BAG6: variants seen among roughly 807,000 people sequenced by gnomAD.
The protein encoded by BAG6 is BAG cochaperone 6, also known as large proline-rich protein BAG6.
In BAG6, 22 loss-of-function variants were observed where a neutral mutation model predicts 121.0. The ratio of observed to expected loss-of-function variants is 0.18; its 90% confidence interval spans 0.13 to 0.26. The LOEUF (loss-of-function observed/expected upper bound fraction) is 0.26, where lower values mean the gene tolerates loss of function less well. BAG6 is among the 10% of genes least tolerant of loss of function. The pLI, the probability that BAG6 is intolerant of heterozygous loss-of-function variation, is 1.00. For missense variants in BAG6, 1,233 were observed against 1,537.7 expected (o/e 0.80, Z 3.31); for synonymous variants, 583 against 584.6 (o/e 1.00, Z 0.04).
At position 31,648,692 on chromosome 6, in the gene BAG6, T is replaced by C. The variant is rs773363358; in HGVS notation, c.537A>G (p.Leu179=). 1 of 1,613,874 alleles carries C rather than the reference T, an allele frequency of 6.2e-7. No individual in the cohort carries two copies. Among genetic ancestry groups the C allele is most frequent in the South Asian group, 1.1e-5 (1 of 91,042 alleles). ...AQHMIRDIQT[L]LSRMECRGGP... is the part of the protein sequence containing the mutation. ...GCCCACTTACCTCCATCCGGGATAG[T>C]AAGGTCTGTATATCCCTGATCATGT... is the stretch of plus-strand genomic sequence containing the variant. Residue 179 remains leucine, a synonymous_variant, in exon 6 of 26, where the codon TTA becomes TTG. Transcript: ENST00000676615.
Position 31,641,092 on chromosome 6 carries a change from G to A in BAG6, c.2787+12C>T, listed in dbSNP as rs747602100. The A allele has an allele frequency of 6.2e-6, 10 of 1,612,832 alleles. No homozygotes were observed. Among genetic ancestry groups the A allele is most frequent in the Non-Finnish European group, 8.5e-6 (10 of 1,179,914 alleles). On this transcript the variant is annotated intron_variant, in intron 20 of 25. Transcript: ENST00000676615. This position sits in a 1 kb window ranked among gnomAD's most constrained non-coding sequence, Gnocchi z 5.7. ...ACAAAAGGCTAAGGATCTGGGGCTA[G>A]GTGGTGCTTACAATTCGGCCATTGA...
Position 31,644,441 on chromosome 6 carries a change from GAA to G in BAG6, c.1448-29_1448-28del, listed in dbSNP as rs1212419069. Reference sequence around the variant, plus strand: ...TGGGGGGCGGGTCTGATGTAACCTTGAACCTGGACCCCTTCAACCCACCCACT... The same window carrying G: ...TGGGGGGCGGGTCTGATGTAACCTTGCCTGGACCCCTTCAACCCACCCACT... On this transcript the variant is annotated intron_variant, in intron 11 of 25. Transcript: ENST00000676615. The surrounding 1 kb of genome is among the most constrained non-coding windows in gnomAD (Gnocchi z 4.9). 6.4e-7 allele frequency: 1 copy of G among 1,552,434 alleles called. No homozygotes were observed. The highest frequency in any genetic ancestry group is 1.2e-5 in the South Asian group (1 of 83,712).
chr6:31,640,719 A>G lies in BAG6; in HGVS notation c.2935-15T>C. The G allele has an allele frequency of 6.2e-7, 1 of 1,613,000 alleles. No homozygotes were observed. Among genetic ancestry groups the G allele is most frequent in the South Asian group, 1.1e-5 (1 of 91,084 alleles). On this transcript the variant is annotated splice_polypyrimidine_tract_variant and intron_variant, in intron 21 of 25. Coordinates refer to ENST00000676615, the MANE Select transcript of BAG6 (RefSeq NM_001387994.1). The surrounding 1 kb of genome is among the most constrained non-coding windows in gnomAD (Gnocchi z 4.2). ...TCAGGAAGTGGCTGTGAAATTAAAG[A>G]ACACCATACTTCCTCTCAGATCTCT...
At position 31,644,747 on chromosome 6, in the gene BAG6, C is replaced by G; in HGVS notation, c.1370-145G>C. ...CTCCATCTAAACAGGGAGAGGTACT[C>G]CCTTCACCACACAAACACACCTCCA... is the stretch of plus-strand genomic sequence containing the variant. On this transcript the variant is annotated intron_variant, in intron 10 of 25. Transcript: ENST00000676615. The surrounding 1 kb of genome is among the most constrained non-coding windows in gnomAD (Gnocchi z 4.9). The G allele has an allele frequency of 4.1e-6, 5 of 1,227,246 alleles. No homozygotes were observed. In the South Asian group the frequency reaches 6.3e-5, roughly 15 times the overall value. The allele number at this position is 1,227,246 out of a possible 1,614,324, so 76.0% of individuals were successfully genotyped here. A position where few individuals can be genotyped will look rare whatever the true frequency, so the allele number is the denominator to read the frequency against.
rs200547255 is a variant in BAG6, at chr6:31,647,814, G to A, written c.565C>T (p.Pro189Ser). ...LLSRMECRGG[P>S]QPQHSQPPPQ... is the part of the protein sequence containing the mutation. Reference sequence around the variant, plus strand: ...GGCGGCTGACTGTGCTGCGGTTGGGGCCCTCCTCGACACTGAAGGTAGGGG... The same window carrying A: ...GGCGGCTGACTGTGCTGCGGTTGGGACCCTCCTCGACACTGAAGGTAGGGG... The change falls in exon 7 of 26, where the codon CCC becomes TCC. Residue 189 changes from proline (P) to serine (S), a missense_variant. By Grantham distance (74) the Pro-to-Ser change is moderately conservative. This residue lies in a region of BAG6 where 777 missense variants were observed against 861.4 expected (regional missense o/e 0.90). Transcript: ENST00000676615. The A allele has an allele frequency of 3.1e-4, 480 of 1,554,422 alleles. No homozygotes were observed. The highest frequency in any genetic ancestry group is 4.0e-4 in the Non-Finnish European group (465 of 1,155,136).
chr6:31,643,721 C>CAAAAAAAAAAAAAAA lies in BAG6; in HGVS notation c.1756+154_1756+168dup, dbSNP rs9281540. On this transcript the variant is annotated intron_variant, in intron 14 of 25. Coordinates refer to ENST00000676615, the MANE Select transcript of BAG6 (RefSeq NM_001387994.1). Reference sequence around the variant, plus strand: ...CTAGCAACAGAGTGAGACTCCATCTCAAAAAAAAAAAAAAAAAAAAAAAAA... The same window carrying CAAAAAAAAAAAAAAA: ...CTAGCAACAGAGTGAGACTCCATCTCAAAAAAAAAAAAAAAAAAAAAAAAAAAAAAAAAAAAAAAA... 4.5e-4 allele frequency among the ~76,000 whole-genome samples: 30 copies of CAAAAAAAAAAAAAAA among 66,280 alleles called. 1 individual carries two copies. The highest frequency in any genetic ancestry group is 5.2e-4 in the South Asian group (1 of 1,920). 43.5% of individuals were successfully genotyped at this position (66,280 alleles called of 152,430 possible).
rs765807145 is a variant in BAG6, at chr6:31,648,977, T to G, written c.424-13A>C. 6.6e-7 allele frequency: 1 copy of G among 1,524,214 alleles called. No homozygotes were observed. The highest frequency in any genetic ancestry group is 1.4e-5 in the African/African-American group (1 of 71,792). The allele number at this position is 1,524,214 out of a possible 1,614,324, so 94.4% of individuals were successfully genotyped here. The stretch of plus-strand genomic sequence containing the variant: ...CAGAGCCGTCACTCTGGGGAAAGGG[T>G]AAGGGAAGTTGTTCTGGGAGAAGCC... On this transcript the variant is annotated splice_polypyrimidine_tract_variant and intron_variant, in intron 4 of 25. Transcript: ENST00000676615.
chr6:31,643,246 C>A, intron 14 of BAG6, 131 bp from the exon 15 acceptor site: 1 of 858,012 alleles, frequency 1.2e-6, no homozygotes, highest in Non-Finnish European at 1.7e-6. Context: ...AAGACCCCAT[C>A]TCTACCAGAA....
Position 31,642,971 on chromosome 6 carries a change from T to A in BAG6, c.1901A>T (p.Asp634Val), listed in dbSNP as rs1314288718. The A allele has an allele frequency of 6.2e-7, 1 of 1,602,568 alleles. No homozygotes were observed. Among genetic ancestry groups the A allele is most frequent in the South Asian group, 1.1e-5 (1 of 88,986 alleles). The change falls in exon 15 of 26, where the codon GAT (aspartate) becomes GTT (valine). Residue 634 changes from aspartate (D) to valine (V), a missense_variant. Coordinates refer to ENST00000676615, the MANE Select transcript of BAG6 (RefSeq NM_001387994.1). Reference protein sequence around the residue: ...PPPTPQPSMADLQFSQLLGNL... With the variant: ...PPPTPQPSMAVLQFSQLLGNL... ...CCCCAGAAGCTGAGAGAACTGAAGA[T>A]CAGCCATGGAGGGTTGAGGGGTGGG...
rs766542591 is a variant in BAG6 at position 31,640,699 on chromosome 6, A to C, written c.2940T>G (p.Leu980=). 7 of 1,612,992 alleles carry C rather than the reference A, an allele frequency of 4.3e-6. No homozygotes were observed. Among genetic ancestry groups the C allele is most frequent in the Non-Finnish European group, 5.1e-6 (6 of 1,179,990 alleles). The change falls in exon 22 of 26, where the codon CTT becomes CTG. Residue 980 remains leucine (L), a synonymous_variant. Transcript: ENST00000676615. The surrounding 1 kb of genome is among the most constrained non-coding windows in gnomAD (Gnocchi z 4.2). ...CCTGAACTTCCATTGGCTCCTCAGG[A>C]AGTGGCTGTGAAATTAAAGAACACC... The part of the protein sequence containing the change: ...VRRVGDPPQP[L]PEEPMEVQGA...
chr6:31,652,284 G>A (rs1797854161), intron 1 of BAG6, 140 bp downstream of exon 1: 2 of 159,458 alleles, frequency 1.3e-5, no homozygotes, highest in Non-Finnish European at 2.8e-5. Flanking sequence ...CCTTCCCACG[G>A]TGTTCCAGCA....
In BAG6 at chr6:31,645,023, G is replaced by GCTGGCGGGGGAGCTGGAC. The variant is rs757156077; in HGVS notation, c.1274_1291dup (p.Gly425_Pro430dup). The GCTGGCGGGGGAGCTGGAC allele has an allele frequency of 6.2e-6, 10 of 1,611,956 alleles. No homozygotes were observed. The highest frequency in any genetic ancestry group is 8.5e-6 in the Non-Finnish European group (10 of 1,179,464). ...CCGGATGACCCTCGGGTGGCTGGTG[G>GCTGGCGGGGGAGCTGGAC]CTGGCGGGGGAGCTGGACCTGGCGG... is the stretch of plus-strand genomic sequence containing the variant. On this transcript the variant is annotated inframe_insertion, in exon 10 of 26. Coordinates refer to ENST00000676615, the MANE Select transcript of BAG6 (RefSeq NM_001387994.1).
Position 31,651,999 on chromosome 6 carries a change from G to A in BAG6, c.-13-223C>T, listed in dbSNP as rs149285678. 8.6e-5 allele frequency: 42 copies of A among 487,292 alleles called. 1 individual carries two copies. The highest frequency in any genetic ancestry group is 3.0e-4 in the East Asian group (10 of 32,980). The allele number at this position is 487,292 out of a possible 1,614,324, so 30.2% of individuals were successfully genotyped here. A position where few individuals can be genotyped will look rare whatever the true frequency, so the allele number is the denominator to read the frequency against. ...GAGCTGGAGGACGAGAGGTGGGAGGGGCTCCACGACGCCAATCACAATAAG... is the reference window on the plus strand; with the variant it reads ...GAGCTGGAGGACGAGAGGTGGGAGGAGCTCCACGACGCCAATCACAATAAG... On this transcript the variant is annotated intron_variant, in intron 1 of 25. Coordinates refer to ENST00000676615, the MANE Select transcript of BAG6 (RefSeq NM_001387994.1).
chr6:31,644,894 G>C lies in BAG6; in HGVS notation c.1369+52C>G. On this transcript the variant is annotated intron_variant, in intron 10 of 25. Coordinates refer to ENST00000676615, the MANE Select transcript of BAG6 (RefSeq NM_001387994.1). The surrounding 1 kb of genome is among the most constrained non-coding windows in gnomAD (Gnocchi z 4.9). ...ACCCTGTTCCCTCACACCTCAGCAT[G>C]AACCTCCCTCATCATGCTGATCCTG... The C allele has an allele frequency of 6.5e-7, 1 of 1,540,966 alleles. No individual in the cohort carries two copies. The highest frequency in any genetic ancestry group is 8.7e-7 in the Non-Finnish European group (1 of 1,143,970).
rs563978827 is a variant in BAG6 at position 31,644,421 on chromosome 6, G to A, written c.1448-7C>T. On this transcript the variant is annotated splice_polypyrimidine_tract_variant and splice_region_variant and intron_variant, in intron 11 of 25. Coordinates refer to ENST00000676615, the MANE Select transcript of BAG6 (RefSeq NM_001387994.1). This position sits in a 1 kb window ranked among gnomAD's most constrained non-coding sequence, Gnocchi z 4.9. ...AGCTGGATGAGGGTGGAGCCTGGGG[G>A]GCGGGTCTGATGTAACCTTGAACCT... The A allele has an allele frequency of 1.3e-6, 2 of 1,551,022 alleles. No homozygotes were observed. Among genetic ancestry groups the A allele is most frequent in the African/African-American group, 1.4e-5 (1 of 73,394 alleles).
At chr6:31,646,264 GC>G in intron 8 of BAG6, 129 bp downstream of exon 8, 2 of 1,375,380 alleles carry the variant, frequency 1.5e-6, no homozygotes, top group South Asian at 1.4e-5. Flanking sequence ...GGGATTACAG[GC>G]GTGAGCCACT....
chr6:31,639,651 G>A lies in BAG6; in HGVS notation c.3247-5C>T, dbSNP rs1780445999. 1 of 1,603,976 alleles carries A rather than the reference G, an allele frequency of 6.2e-7. No individual in the cohort carries two copies. Among genetic ancestry groups the A allele is most frequent in the Admixed American group, 1.7e-5 (1 of 58,588 alleles). On this transcript the variant is annotated splice_region_variant and splice_polypyrimidine_tract_variant and intron_variant, in intron 24 of 25. Transcript: ENST00000676615. ...GGGGCCCTCACCCTGCATCGTCTGGGGGACAGGGGGTTGGGAGGGAAAAGA... is the reference window on the plus strand; with the variant it reads ...GGGGCCCTCACCCTGCATCGTCTGGAGGACAGGGGGTTGGGAGGGAAAAGA...
At position 31,639,152 on chromosome 6, in the gene BAG6, CCGCTGGGCATTGGGGAAG is replaced by C. The variant is rs1186188299; in HGVS notation, c.3450_3467del (p.Phe1151_Arg1156del). The C allele has an allele frequency of 6.2e-7, 1 of 1,613,926 alleles. No homozygotes were observed. The highest frequency in any genetic ancestry group is 8.5e-7 in the Non-Finnish European group (1 of 1,179,954). On this transcript the variant is annotated inframe_deletion, in exon 26 of 26. Transcript: ENST00000676615. ...AGAGCTAAGGATCATCAGCAAAGGC[CCGCTGGGCATTGGGGAAG>C]CGCTGGGGACTGTAGTTGGGGTCTT...
rs374187588 is a variant in BAG6, at chr6:31,641,623, A to C, written c.2506-31T>G. ...GAGGAAACAGAACAGGTTTAGTTCA[A>C]AGCCTCAGTCCTCCCAAGACTTCCA... On this transcript the variant is annotated intron_variant, in intron 17 of 25. Coordinates refer to ENST00000676615, the MANE Select transcript of BAG6 (RefSeq NM_001387994.1). The surrounding 1 kb of genome is among the most constrained non-coding windows in gnomAD (Gnocchi z 5.7). 1.4e-4 allele frequency: 222 copies of C among 1,613,912 alleles called. No individual in the cohort carries two copies. Among genetic ancestry groups the C allele is most frequent in the Non-Finnish European group, 1.8e-4 (217 of 1,179,916 alleles).
Sources: gnomAD v4.1 joint callset for allele counts (sites outside exome capture counted in the v4.1 genomes callset) on GRCh38, gnomAD v4.1.1 for gene constraint, gnomAD v4.1.1 regional missense constraint, Gnocchi (gnomAD v3.1) non-coding constraint, MANE v1.5 for transcripts, NCBI Gene and HGNC (gene_info 2026-07-23, HGNC 2026-07-21) for gene names.